Variants in PPP4R3B observed in about 807,000 individuals in gnomAD.
PPP4R3B encodes the protein serine/threonine-protein phosphatase 4 regulatory subunit 3B.
Under a neutral mutation model 95.4 loss-of-function variants are expected in PPP4R3B, and 52 were observed. That is an observed-to-expected ratio of 0.54 (90% CI 0.44 to 0.69). The LOEUF is 0.69. Among genes scored for constraint, PPP4R3B ranks in the 30% least tolerant of loss-of-function variants. The pLI, the probability that PPP4R3B is intolerant of heterozygous loss-of-function variation, is 0.00. For missense variants in PPP4R3B, 1,003 were observed against 1,005.9 expected, an observed-to-expected ratio of 1.00 and a Z score of 0.04; for synonymous variants, 407 against 343.9, an observed-to-expected ratio of 1.18 and a Z score of -2.03.
intron 15 of PPP4R3B, among the ~76,000 whole-genome samples, chr2:55,559,341 C>T (rs187092794): frequency 5.8e-4 from 88 of 151,694 alleles, no homozygotes; most frequent in Admixed American, 5.6e-3. Flanking sequence ...AGCGAAACTC[C>T]GTCTCAAAAA....
chr2:55,580,529 C>T (rs1281006648), intron 8 of PPP4R3B, among the ~76,000 whole-genome samples: 3 of 152,150 alleles, frequency 2.0e-5, no homozygotes, highest in Admixed American at 2.0e-4. Context: ...AACTTAACTA[C>T]CTAAAATTTG....
chr2:55,603,419 T>A (rs1219345882), intron 3 of PPP4R3B, among the ~76,000 whole-genome samples: 2 of 152,228 alleles, frequency 1.3e-5, no homozygotes. Context: ...ATATCCTAGT[T>A]CTAAATAAGA....
chr2:55,610,041 C>T (rs1182360941), intron 2 of PPP4R3B, among the ~76,000 whole-genome samples: 1 of 152,104 alleles, frequency 6.6e-6, no homozygotes, highest in Non-Finnish European at 1.5e-5. Context: ...TGTAAACCTG[C>T]TTAACTTCCC....
intron 3 of PPP4R3B, among the ~76,000 whole-genome samples, chr2:55,601,523 G>A (rs1692611684): frequency 6.6e-6 from 1 of 152,008 alleles, no homozygotes; most frequent in African/African-American, 2.4e-5. Flanking sequence ...TGGGACTACA[G>A]GTGCCCACCA....
Position 55,593,457 on chromosome 2 carries a change from C to T in PPP4R3B, c.922-4501G>A, listed in dbSNP as rs2104393646. ...ATAAAATTCTTACATATTCACTTGC[C>T]TTCTACAACTCACACAGCAGCAAGT... On this transcript the variant is annotated intron_variant, in intron 4 of 16. Coordinates refer to ENST00000616407, the MANE Select transcript of PPP4R3B (RefSeq NM_001122964.3). Among the ~76,000 whole-genome samples, 2 of 152,288 alleles carry T rather than the reference C, an allele frequency of 1.3e-5. 1 individual carries two copies. Among genetic ancestry groups the T allele is most frequent in the South Asian group, 4.1e-4 (2 of 4,828 alleles).
rs1369917191 is a variant in PPP4R3B at position 55,547,336 on chromosome 2, C to G, written c.*2575G>C. 2 of 152,066 alleles carry G rather than the reference C, an allele frequency of 1.3e-5. No individual in the cohort carries two copies. Among genetic ancestry groups the G allele is most frequent in the Non-Finnish European group, 2.9e-5 (2 of 68,020 alleles). The allele number at this position is 152,066 out of a possible 1,614,324, so 9.4% of individuals were successfully genotyped here. A position where few individuals can be genotyped will look rare whatever the true frequency, so the allele number is the denominator to read the frequency against. On this transcript the variant is annotated 3_prime_UTR_variant, in exon 17 of 17. Transcript: ENST00000616407. ...TATTAAAAATAGTTTTTATATTGGA[C>G]ACATGTTTACAGATACCATTTTAAG...
rs748706839 is a variant in PPP4R3B at position 55,581,705 on chromosome 2, GCAAAACAAAA to G, written c.1234-17_1234-8del. ...CATTAATAAGAAGAATATCCTGGTGGCAAAACAAAACAAAACAAAACATGTTTCCATTAGA... is the reference window on the plus strand; with the variant it reads ...CATTAATAAGAAGAATATCCTGGTGGCAAAACAAAACATGTTTCCATTAGA... On this transcript the variant is annotated splice_region_variant and splice_polypyrimidine_tract_variant and intron_variant, in intron 7 of 16. Coordinates refer to ENST00000616407, the MANE Select transcript of PPP4R3B (RefSeq NM_001122964.3). 5.0e-6 allele frequency: 8 copies of G among 1,607,774 alleles called. No individual in the cohort carries two copies. The highest frequency in any genetic ancestry group is 2.7e-5 in the African/African-American group (2 of 74,608).
Position 55,598,837 on chromosome 2 carries a change from T to C in PPP4R3B, c.500A>G (p.Glu167Gly), listed in dbSNP as rs748271217. 1.2e-6 allele frequency: 2 copies of C among 1,614,230 alleles called. No homozygotes were observed. Among genetic ancestry groups the C allele is most frequent in the Non-Finnish European group, 1.7e-6 (2 of 1,180,034 alleles). The change falls in exon 4 of 17, where the codon GAA (glutamate) becomes GGA (glycine). Residue 167 changes from glutamate to glycine, a missense_variant. By Grantham distance (98) the Glu-to-Gly change is moderately conservative. Around this residue, in one of 3 missense-constraint regions of PPP4R3B, gnomAD observed 695 missense variants for 686.2 expected, o/e 1.01. Coordinates refer to ENST00000616407, the MANE Select transcript of PPP4R3B (RefSeq NM_001122964.3). Reference protein sequence around the residue: ...IRREKLALALENEGYIKKLLQ... With the variant: ...IRREKLALALGNEGYIKKLLQ... The stretch of plus-strand genomic sequence containing the variant: ...TAGTTTTTTAATATAGCCTTCATTT[T>C]CCAAGGCGAGAGCCAGCTTTTCCCT...
chr2:55,559,649 A>G (rs1370349421), intron 15 of PPP4R3B, among the ~76,000 whole-genome samples: 1 of 152,114 alleles, frequency 6.6e-6, no homozygotes, highest in African/African-American at 2.4e-5. Flanking sequence ...CATGTAACAC[A>G]TGCCTTGTTT....
intron 10 of PPP4R3B, among the ~76,000 whole-genome samples, chr2:55,577,617 T>A (rs1023054227): frequency 6.6e-6 from 1 of 152,166 alleles, no homozygotes; most frequent in Admixed American, 6.5e-5. Context: ...GAGATAAAAC[T>A]GACATATCTT....
At position 55,581,549 on chromosome 2, in the gene PPP4R3B, C is replaced by T; in HGVS notation, c.1365+18G>A. On this transcript the variant is annotated intron_variant, in intron 8 of 16. Coordinates refer to ENST00000616407, the MANE Select transcript of PPP4R3B (RefSeq NM_001122964.3). Reference sequence around the variant, plus strand: ...ACTGACTAGGCCAAAACATTTTTATCTCAGAGTAATTTCTTACATTAGTTG... The same window carrying T: ...ACTGACTAGGCCAAAACATTTTTATTTCAGAGTAATTTCTTACATTAGTTG... The T allele has an allele frequency of 6.2e-7, 1 of 1,601,218 alleles. No homozygotes were observed. Among genetic ancestry groups the T allele is most frequent in the Non-Finnish European group, 8.5e-7 (1 of 1,174,908 alleles).
At position 55,598,459 on chromosome 2, in the gene PPP4R3B, G is replaced by C. The variant is rs1692104528; in HGVS notation, c.878C>G (p.Ser293Cys). 6.2e-7 allele frequency: 1 copy of C among 1,614,060 alleles called. No individual in the cohort carries two copies. Among genetic ancestry groups the C allele is most frequent in the Non-Finnish European group, 8.5e-7 (1 of 1,180,000 alleles). Residue 293 changes from serine (S) to cysteine (C), a missense_variant, in exon 4 of 17, where the codon TCT (serine) becomes TGT (cysteine). By Grantham distance (112) the Ser-to-Cys change is moderately radical (BLOSUM62 -1). This residue lies in a region of PPP4R3B where 695 missense variants were observed against 686.2 expected (regional missense o/e 1.01). Transcript: ENST00000616407. ...FEENFLSTLT[S>C]FIFFNKVEIV... ...CTCAACTTTGTTGAAGAAAATAAAA[G>C]ACGTAAGAGTAGAAAGAAAATTCTC...
rs113536144 is a variant in PPP4R3B at position 55,559,138 on chromosome 2, G to A, written c.2261-170C>T. Among the ~76,000 whole-genome samples, 108 of 152,124 alleles carry A rather than the reference G, an allele frequency of 7.1e-4. 1 individual carries two copies. Among genetic ancestry groups the A allele is most frequent in the African/African-American group, 2.5e-3 (104 of 41,502 alleles). On this transcript the variant is annotated intron_variant, in intron 15 of 16. Transcript: ENST00000616407. ...TGAGGCAGGCAGATCACCCAAGGCC[G>A]GAGTTCAAGACCAGCCTGACCAACA...
chr2:55,560,520 T>C (rs1037486170), intron 15 of PPP4R3B, among the ~76,000 whole-genome samples: 23 of 152,168 alleles, frequency 1.5e-4, no homozygotes, highest in African/African-American at 5.6e-4. Context: ...GGCTCATGCC[T>C]GTAACACCAG....
chr2:55,564,643 A>G, intron 14 of PPP4R3B, 146 bp from the exon 15 acceptor site: 1 of 791,798 alleles, frequency 1.3e-6, no homozygotes, highest in Non-Finnish European at 1.9e-6. Flanking sequence ...TAATGATAGA[A>G]GATGTAGCCA....
intron 12 of PPP4R3B, among the ~76,000 whole-genome samples, chr2:55,569,523 G>T (rs780579854): frequency 1.3e-5 from 2 of 152,194 alleles, no homozygotes; most frequent in African/African-American, 2.4e-5. Context: ...GCAAATTAGT[G>T]AAAGTACTAA....
intron 3 of PPP4R3B, among the ~76,000 whole-genome samples, chr2:55,601,141 CAAA>C (rs397871165): frequency 0.047 from 4,629 of 99,116 alleles, 90 homozygotes; most frequent in South Asian, 0.11. Flanking sequence ...GACCATGTCT[CAAA>C]AAAAAAAAAA....
chr2:55,610,196 C>A (rs1326350563), intron 2 of PPP4R3B, among the ~76,000 whole-genome samples: 2 of 152,100 alleles, frequency 1.3e-5, no homozygotes. Flanking sequence ...CCTTCAAGTC[C>A]ATTTACCGTG....
intron 2 of PPP4R3B, among the ~76,000 whole-genome samples, chr2:55,611,577 T>C: frequency 6.6e-6 from 1 of 152,356 alleles, no homozygotes; most frequent in East Asian, 1.9e-4. Context: ...TCATATGACA[T>C]TCAGCTTGAC....
Sources: allele counts gnomAD v4.1 joint callset (sites outside exome capture counted in the v4.1 genomes callset), GRCh38; gene constraint gnomAD v4.1.1; regional missense constraint gnomAD v4.1.1; transcripts MANE v1.5; gene names NCBI Gene and HGNC (gene_info 2026-07-23, HGNC 2026-07-21).